PCDHGB6: variants seen among roughly 807,000 people sequenced by gnomAD.
PCDHGB6 encodes the protein protocadherin gamma subfamily B, 6.
A neutral mutation model predicts 59.1 loss-of-function variants in PCDHGB6; 51 were observed. The ratio of observed to expected loss-of-function variants is 0.86; its 90% confidence interval spans 0.69 to 1.09. The LOEUF is 1.09. Ranked by LOEUF, PCDHGB6 falls within the 50% of genes least tolerant of loss-of-function variation. The probability of loss-of-function intolerance (pLI) is 0.00; values close to 1 mark genes in which losing one functional copy is unlikely to be tolerated. For synonymous variants in PCDHGB6, 466 were observed against 495.1 expected, an observed-to-expected ratio of 0.94 and a Z score of 0.78; for missense variants, 1,148 against 1,205.1, an observed-to-expected ratio of 0.95 and a Z score of 0.70.
intron 1 of PCDHGB6, among the ~76,000 whole-genome samples, chr5:141,462,203 G>A (rs544238255): frequency 2.6e-5 from 4 of 152,036 alleles, no homozygotes; most frequent in East Asian, 1.9e-4. Flanking sequence ...CAGGTGATCC[G>A]CCTGCCTCGG....
At chr5:141,422,122 A>C in intron 1 of PCDHGB6, 1 of 1,601,714 alleles carries the variant, frequency 6.2e-7, no homozygotes, top group Non-Finnish European at 8.5e-7. Context: ...GGATTCACAA[A>C]CTGGAGAAGT....
chr5:141,446,821 T>G (rs183143971), intron 1 of PCDHGB6, among the ~76,000 whole-genome samples: 2 of 152,184 alleles, frequency 1.3e-5, no homozygotes, highest in South Asian at 4.1e-4. Context: ...GTCAGATGGG[T>G]AGATCCTTAT....
chr5:141,439,390 C>T (rs528547728), intron 1 of PCDHGB6, among the ~76,000 whole-genome samples: 1 of 152,266 alleles, frequency 6.6e-6, no homozygotes, highest in South Asian at 2.1e-4. Flanking sequence ...GTCATCACTT[C>T]GACTTCATGT....
chr5:141,421,054 A>C, intron 1 of PCDHGB6: 2 of 571,978 alleles, frequency 3.5e-6, no homozygotes, highest in Non-Finnish European at 6.0e-6. Context: ...CGCCTCTACC[A>C]CACAAAGCGG....
chr5:141,419,809 A>G (rs1181621732), intron 1 of PCDHGB6: 2 of 1,613,916 alleles, frequency 1.2e-6, no homozygotes, highest in African/African-American at 2.7e-5. Flanking sequence ...GAGATGGAGG[A>G]CAGCCACCCC....
In PCDHGB6 at chr5:141,511,342, C is replaced by G. The variant is rs2099883728; in HGVS notation, c.*169C>G. The stretch of plus-strand genomic sequence containing the variant: ...AACAAGTGCCCAGTCAGCACCTACC[C>G]CTTCCCCCCCAGGGGGTTGAATATG... On this transcript the variant is annotated 3_prime_UTR_variant, in exon 4 of 4. Coordinates refer to ENST00000520790, the MANE Select transcript of PCDHGB6 (RefSeq NM_018926.3). 1 of 1,424,960 alleles carries G rather than the reference C, an allele frequency of 7.0e-7. No homozygotes were observed. Among genetic ancestry groups the G allele is most frequent in the Admixed American group, 2.6e-5 (1 of 38,556 alleles). 88.3% of individuals were successfully genotyped at this position (1,424,960 alleles called of 1,614,324 possible).
At position 141,410,457 on chromosome 5, in the gene PCDHGB6, A is replaced by G. The variant is rs372920524; in HGVS notation, c.2255A>G (p.Tyr752Cys). 1.2e-6 allele frequency: 2 copies of G among 1,614,044 alleles called. No homozygotes were observed. ...NYSEGTLPYS[Y>C]NLCIAHTGTK... ...AGTGAGGGGACTTTGCCTTATTCTTATAATCTGTGCATTGCACATACGGGT... is the reference window on the plus strand; with the variant it reads ...AGTGAGGGGACTTTGCCTTATTCTTGTAATCTGTGCATTGCACATACGGGT... Residue 752 changes from tyrosine to cysteine, a missense_variant, in exon 1 of 4, where the codon TAT (tyrosine) becomes TGT (cysteine). Transcript: ENST00000520790.
At chr5:141,496,412 T>C (rs1322376676) in intron 2 of PCDHGB6, among the ~76,000 whole-genome samples, 1 of 152,180 alleles carries the variant, frequency 6.6e-6, no homozygotes, top group African/African-American at 2.4e-5. Context: ...GGTTGAGTAC[T>C]TGCTGTCCAC....
At chr5:141,446,502 A>G (rs1178198384) in intron 1 of PCDHGB6, among the ~76,000 whole-genome samples, 5 of 150,732 alleles carry the variant, frequency 3.3e-5, no homozygotes, top group Non-Finnish European at 7.4e-5. Context: ...TTTGAGATGG[A>G]GTCTCGCTCT....
chr5:141,413,909 T>A (rs772084941), intron 1 of PCDHGB6: 1 of 1,613,316 alleles, frequency 6.2e-7, no homozygotes. Flanking sequence ...AACGCGCCGG[T>A]CTTCACCTTG....
intron 1 of PCDHGB6, among the ~76,000 whole-genome samples, chr5:141,429,377 GT>G (rs566693637): frequency 1.3e-4 from 20 of 149,526 alleles, no homozygotes; most frequent in South Asian, 8.5e-4. Flanking sequence ...GAGAAAATGT[GT>G]TTTTTTTTTA....
chr5:141,437,156 G>T (rs2097864365), intron 1 of PCDHGB6, among the ~76,000 whole-genome samples: 1 of 152,172 alleles, frequency 6.6e-6, no homozygotes, highest in African/African-American at 2.4e-5. Context: ...TAACATATGT[G>T]TTGATTGTTT....
At chr5:141,454,697 T>A (rs768850161) in intron 1 of PCDHGB6, among the ~76,000 whole-genome samples, 14 of 150,312 alleles carry the variant, frequency 9.3e-5, no homozygotes, top group African/African-American at 3.4e-4. Flanking sequence ...TGAGCCACCA[T>A]GCTCCACCTG....
chr5:141,485,358 G>T lies in PCDHGB6; in HGVS notation c.2419-9449G>T. 1.2e-6 allele frequency: 2 copies of T among 1,614,100 alleles called. No individual in the cohort carries two copies. Among genetic ancestry groups the T allele is most frequent in the Non-Finnish European group, 1.7e-6 (2 of 1,180,006 alleles). On this transcript the variant is annotated intron_variant, in intron 1 of 3. Coordinates refer to ENST00000520790, the MANE Select transcript of PCDHGB6 (RefSeq NM_018926.3). This position sits in a 1 kb window ranked among gnomAD's most constrained non-coding sequence, Gnocchi z 5.7. ...CTGGATACGGACAGTCTGTCAGCTC[G>T]CAGGCTGCAGGTCGCTGGAGAGGTG...
At position 141,490,782 on chromosome 5, in the gene PCDHGB6, ACGGATCTTTGCC is replaced by A; in HGVS notation, c.2419-4023_2419-4012del. 6.2e-7 allele frequency: 1 copy of A among 1,614,054 alleles called. No individual in the cohort carries two copies. Among genetic ancestry groups the A allele is most frequent in the Non-Finnish European group, 8.5e-7 (1 of 1,179,952 alleles). ...TTGTGTATGTCAACCCAGAGGATGGACGGATCTTTGCCCAGCGTACCTTTGACTATGAATTGC... is the reference window on the plus strand; with the variant it reads ...TTGTGTATGTCAACCCAGAGGATGGACAGCGTACCTTTGACTATGAATTGC... On this transcript the variant is annotated intron_variant, in intron 1 of 3. Transcript: ENST00000520790. This position sits in a 1 kb window ranked among gnomAD's most constrained non-coding sequence, Gnocchi z 5.4.
rs745612756 is a variant in PCDHGB6 at position 141,487,150 on chromosome 5, T to C, written c.2419-7657T>C. The C allele has an allele frequency of 1.1e-5, 17 of 1,613,960 alleles. No individual in the cohort carries two copies. In the South Asian group the frequency reaches 1.6e-4, roughly 16 times the overall value. On this transcript the variant is annotated intron_variant, in intron 1 of 3. Transcript: ENST00000520790. This position sits in a 1 kb window ranked among gnomAD's most constrained non-coding sequence, Gnocchi z 5.0. The stretch of plus-strand genomic sequence containing the variant: ...GTAGTCCACCACTCTCTACCTCTGT[T>C]ACTCTCTTAGTGTCCTTAGAGGAAG...
chr5:141,504,763 C>G (rs1057360921), intron 2 of PCDHGB6, among the ~76,000 whole-genome samples: 5 of 152,018 alleles, frequency 3.3e-5, no homozygotes, highest in African/African-American at 1.2e-4. Context: ...AATTTCTTCT[C>G]CCTGCTCCAG....
chr5:141,509,157 C>T lies in PCDHGB6; in HGVS notation c.2567-1790C>T, dbSNP rs369133984. Among the ~76,000 whole-genome samples the T allele has an allele frequency of 2.6e-4, 40 of 152,314 alleles. No individual in the cohort carries two copies. In the South Asian group the frequency reaches 7.0e-3, roughly 27 times the overall value. On this transcript the variant is annotated intron_variant, in intron 3 of 3. Transcript: ENST00000520790. The stretch of plus-strand genomic sequence containing the variant: ...GAGGCGCATCCCGGCTCTCCCCTCC[C>T]GTGTGCCCTCCTCCTCTTATGCCGG...
At position 141,419,726 on chromosome 5, in the gene PCDHGB6, A is replaced by AC. The variant is rs757890106; in HGVS notation, c.2418+9107dup. On this transcript the variant is annotated intron_variant, in intron 1 of 3. Coordinates refer to ENST00000520790, the MANE Select transcript of PCDHGB6 (RefSeq NM_018926.3). ...CGGGCTCTTCAGCCTGGGGCTGCGA[A>AC]CAGGCGAGGTGCGCATGGTGCGTGC... 3.1e-6 allele frequency: 5 copies of AC among 1,613,402 alleles called. No individual in the cohort carries two copies. The Admixed American group carries it at 8.3e-5, about 27-fold the overall frequency.
Sources: gnomAD v4.1 joint callset for allele counts (sites outside exome capture counted in the v4.1 genomes callset) on GRCh38, gnomAD v4.1.1 for gene constraint, Gnocchi (gnomAD v3.1) non-coding constraint, MANE v1.5 for transcripts, NCBI Gene and HGNC (gene_info 2026-07-23, HGNC 2026-07-21) for gene names.